EYS: variants seen among roughly 807,000 people sequenced by gnomAD.
EYS encodes the protein protein eyes shut homolog.
A neutral mutation model predicts 282.1 loss-of-function variants in EYS; 250 were observed. The ratio of observed to expected loss-of-function variants is 0.89; its 90% CI spans 0.80 to 0.98. EYS has a LOEUF of 0.98. EYS is among the 50% of genes least tolerant of loss of function. The pLI is 0.00. For missense variants in EYS, 4,016 were observed against 3,709.0 expected, an observed-to-expected ratio of 1.08 and a Z score of -2.15; for synonymous variants, 1,355 against 1,282.9, an observed-to-expected ratio of 1.06 and a Z score of -1.20.
intron 40 of EYS, among the ~76,000 whole-genome samples, chr6:63,763,267 C>A (rs1238066119): frequency 6.6e-6 from 1 of 152,022 alleles, no homozygotes; most frequent in Non-Finnish European, 1.5e-5. Context: ...GAATACTCAG[C>A]TGAAAGAGAC....
intron 22 of EYS, among the ~76,000 whole-genome samples, chr6:64,632,834 T>C (rs1213099946): frequency 6.6e-6 from 1 of 152,150 alleles, no homozygotes; most frequent in Non-Finnish European, 1.5e-5. Flanking sequence ...CTCATTTCAG[T>C]ATTTTTATTA....
Position 63,773,883 on chromosome 6 carries a change from A to AT in EYS, c.7898+4122dup, listed in dbSNP as rs748260298. ...TGTAAACCTCTAAAATGATAAGCAC[A>AT]TTTTTGTGTTCCAAGTATGTTCAGT... On this transcript the variant is annotated intron_variant, in intron 40 of 42. Transcript: ENST00000503581. Among the ~76,000 whole-genome samples the AT allele has an allele frequency of 1.2e-4, 19 of 152,254 alleles. No individual in the cohort carries two copies. The East Asian group carries it at 3.5e-3, about 28-fold the overall frequency.
chr6:65,216,195 G>A (rs530396356), intron 12 of EYS, among the ~76,000 whole-genome samples: 1 of 151,992 alleles, frequency 6.6e-6, no homozygotes, highest in South Asian at 2.1e-4. Flanking sequence ...TTCATCTTTT[G>A]TTCATGTTTA....
intron 31 of EYS, among the ~76,000 whole-genome samples, chr6:64,151,004 A>G (rs2150294034): frequency 6.6e-6 from 1 of 152,212 alleles, no homozygotes; most frequent in African/African-American, 2.4e-5. Context: ...TAAAATGATT[A>G]TATCTCATAA....
chr6:65,023,118 A>C (rs1772298280), intron 13 of EYS, among the ~76,000 whole-genome samples: 1 of 152,140 alleles, frequency 6.6e-6, no homozygotes, highest in East Asian at 1.9e-4. Flanking sequence ...AATATCCTAA[A>C]ATCCATTGAA....
Position 65,108,248 on chromosome 6 carries a change from G to A in EYS, c.2024-50521C>T, listed in dbSNP as rs187425750. Among the ~76,000 whole-genome samples, 51 of 152,072 alleles carry A rather than the reference G, an allele frequency of 3.4e-4. 2 individuals carry two copies. In the East Asian group the frequency reaches 5.2e-3, roughly 16 times the overall value. ...AATATCTCTATCACTTCTTGGTTAC[G>A]GAAAGATATTTATTCTGTATAGAAT... On this transcript the variant is annotated intron_variant, in intron 12 of 42. Coordinates refer to ENST00000503581, the MANE Select transcript of EYS (RefSeq NM_001142800.2).
intron 1 of EYS, among the ~76,000 whole-genome samples, chr6:65,689,245 A>T (rs1420581618): frequency 4.0e-5 from 6 of 150,034 alleles, no homozygotes; most frequent in Non-Finnish European, 3.0e-5. Context: ...GAAGCTGGAA[A>T]CCATCATTCT....
At chr6:64,184,324 A>T (rs1027221043) in intron 31 of EYS, among the ~76,000 whole-genome samples, 6 of 152,190 alleles carry the variant, frequency 3.9e-5, no homozygotes, top group Non-Finnish European at 8.8e-5. Context: ...TATTTGATCA[A>T]AAAAGCTACC....
At chr6:64,660,263 A>G (rs1280897171) in intron 22 of EYS, among the ~76,000 whole-genome samples, 7 of 152,124 alleles carry the variant, frequency 4.6e-5, no homozygotes, top group African/African-American at 1.7e-4. Context: ...ATCTATGACA[A>G]ACCCACAGCC....
chr6:64,879,542 T>C (rs1414694437), intron 19 of EYS, among the ~76,000 whole-genome samples: 1 of 152,044 alleles, frequency 6.6e-6, no homozygotes, highest in Non-Finnish European at 1.5e-5. Context: ...AGATATTTTG[T>C]TTGTGAACAT....
At chr6:65,222,488 C>T (rs1766494368) in intron 12 of EYS, among the ~76,000 whole-genome samples, 1 of 152,134 alleles carries the variant, frequency 6.6e-6, no homozygotes, top group Non-Finnish European at 1.5e-5. Flanking sequence ...TGTGAGGCCT[C>T]CCAGCATGTG....
chr6:64,451,419 C>A (rs1462164562), intron 26 of EYS, among the ~76,000 whole-genome samples: 2 of 152,148 alleles, frequency 1.3e-5, no homozygotes, highest in African/African-American at 4.8e-5. Flanking sequence ...CAGCCGAATT[C>A]TACCAGAGGT....
chr6:64,987,990 C>A (rs1318120310), intron 14 of EYS, among the ~76,000 whole-genome samples: 2 of 151,244 alleles, frequency 1.3e-5, no homozygotes, highest in African/African-American at 4.8e-5. Flanking sequence ...ATATACTCAT[C>A]CACATTTATA....
intron 30 of EYS, among the ~76,000 whole-genome samples, chr6:64,247,039 C>T (rs927887191): frequency 1.3e-5 from 2 of 151,882 alleles, no homozygotes; most frequent in African/African-American, 2.4e-5. Flanking sequence ...TATTTTAGGA[C>T]TAAGTGTTTC....
intron 1 of EYS, among the ~76,000 whole-genome samples, chr6:65,647,387 A>T (rs1480910864): frequency 6.6e-6 from 1 of 152,210 alleles, no homozygotes; most frequent in African/African-American, 2.4e-5. Context: ...CTGATCTTTG[A>T]CAAAGCAAAC....
chr6:64,512,070 T>A (rs1418645097), intron 26 of EYS, among the ~76,000 whole-genome samples: 1 of 152,100 alleles, frequency 6.6e-6, no homozygotes, highest in Admixed American at 6.6e-5. Flanking sequence ...ATACTCCTTT[T>A]AATTATATGT....
chr6:64,391,794 A>G (rs1773158772), intron 28 of EYS, among the ~76,000 whole-genome samples: 2 of 152,208 alleles, frequency 1.3e-5, no homozygotes, highest in African/African-American at 2.4e-5. Context: ...TTAAATGTAA[A>G]TGGGCTAAAT....
intron 32 of EYS, among the ~76,000 whole-genome samples, chr6:64,072,377 T>G (rs1771614005): frequency 6.6e-6 from 1 of 151,816 alleles, no homozygotes; most frequent in African/African-American, 2.4e-5. Flanking sequence ...ATTAGCAGGT[T>G]GTTTTTTTTT....
intron 2 of EYS, among the ~76,000 whole-genome samples, chr6:65,559,658 ATAAAG>A (rs1768956545): frequency 6.6e-6 from 1 of 152,178 alleles, no homozygotes; most frequent in Non-Finnish European, 1.5e-5. Context: ...ACATCATCAA[ATAAAG>A]TATACAGTTG....
Sources: allele counts gnomAD v4.1 joint callset (sites outside exome capture counted in the v4.1 genomes callset), GRCh38; gene constraint gnomAD v4.1.1; transcripts MANE v1.5; gene names NCBI Gene and HGNC (gene_info 2026-07-23, HGNC 2026-07-21).